PTK2: variants seen among roughly 807,000 people sequenced by gnomAD.
PTK2 encodes the protein protein tyrosine kinase 2.
Under a neutral mutation model 150.1 loss-of-function variants are expected in PTK2, and 45 were observed. That is an observed-to-expected ratio of 0.30 (90% CI 0.24 to 0.38). The LOEUF (loss-of-function observed/expected upper bound fraction) is 0.38. PTK2 is among the 10% of genes least tolerant of loss of function. The pLI, the probability that PTK2 is intolerant of heterozygous loss-of-function variation, is 1.00. For synonymous variants in PTK2, 432 were observed against 449.2 expected (o/e 0.96, Z 0.48); for missense variants, 919 against 1,307.3 (o/e 0.70, Z 4.58).
intron 1 of PTK2, among the ~76,000 whole-genome samples, chr8:140,985,189 T>C (rs1160965200): frequency 2.6e-5 from 4 of 152,112 alleles, no homozygotes; most frequent in Admixed American, 2.6e-4. Flanking sequence ...AGTGGCATGA[T>C]CATAACTCAC....
At chr8:140,726,689 T>C (rs969540343) in intron 22 of PTK2, among the ~76,000 whole-genome samples, 2 of 152,226 alleles carry the variant, frequency 1.3e-5, no homozygotes, top group East Asian at 1.9e-4. Flanking sequence ...TTTTAGATAA[T>C]ATAAAACTAA....
At chr8:140,954,293 C>T (rs1333570864) in intron 1 of PTK2, among the ~76,000 whole-genome samples, 1 of 152,156 alleles carries the variant, frequency 6.6e-6, no homozygotes, top group Non-Finnish European at 1.5e-5. Flanking sequence ...TGGTCTCAAA[C>T]TCCTGAACTC....
At chr8:140,872,824 G>A (rs2100143318) in intron 4 of PTK2, among the ~76,000 whole-genome samples, 1 of 152,182 alleles carries the variant, frequency 6.6e-6, no homozygotes, top group Admixed American at 6.5e-5. Context: ...CATGCTGTAT[G>A]TCATATTCCA....
chr8:140,981,917 C>T (rs2100191589), intron 1 of PTK2, among the ~76,000 whole-genome samples: 1 of 152,098 alleles, frequency 6.6e-6, no homozygotes, highest in Non-Finnish European at 1.5e-5. Context: ...GAGCTCAGAG[C>T]ATTCTTGAAG....
chr8:140,958,062 A>G (rs868252866), intron 1 of PTK2, among the ~76,000 whole-genome samples: 2 of 152,300 alleles, frequency 1.3e-5, no homozygotes, highest in Middle Eastern at 3.4e-3. Flanking sequence ...GACATGTTAC[A>G]TATTTTTTAT....
chr8:140,832,416 C>T (rs538991567), intron 7 of PTK2, among the ~76,000 whole-genome samples: 29 of 152,266 alleles, frequency 1.9e-4, no homozygotes, highest in African/African-American at 5.1e-4. Context: ...TTAACACCTG[C>T]GAACCTCCGG....
intron 10 of PTK2, among the ~76,000 whole-genome samples, chr8:140,811,836 T>C (rs2100101728): frequency 6.6e-6 from 1 of 152,152 alleles, no homozygotes; most frequent in Non-Finnish European, 1.5e-5. Context: ...AAGCTGTCTT[T>C]CTGAAATAGG....
At chr8:140,837,436 T>C (rs574667984) in intron 7 of PTK2, among the ~76,000 whole-genome samples, 3 of 152,272 alleles carry the variant, frequency 2.0e-5, no homozygotes, top group South Asian at 2.1e-4. Context: ...TAACTCAAAA[T>C]AGTTATTTAT....
chr8:140,804,157 A>C (rs916773490), intron 10 of PTK2, among the ~76,000 whole-genome samples: 2 of 152,132 alleles, frequency 1.3e-5, no homozygotes, highest in African/African-American at 4.8e-5. Context: ...TTCCCAATAC[A>C]GAATAACCTC....
chr8:140,852,418 T>G (rs1258342673), intron 5 of PTK2, among the ~76,000 whole-genome samples: 1 of 152,110 alleles, frequency 6.6e-6, no homozygotes, highest in African/African-American at 2.4e-5. Flanking sequence ...GTGATAAAAC[T>G]GCACAGAATT....
chr8:140,855,206 T>A lies in PTK2; in HGVS notation c.451-8528A>T, dbSNP rs181409341. 2.3e-3 allele frequency among the ~76,000 whole-genome samples: 354 copies of A among 152,218 alleles called. 3 individuals carry two copies. The highest frequency in any genetic ancestry group is 8.4e-3 in the Admixed American group (128 of 15,288). ...AATTAAAAGAGAACACTAAGGAGTG[T>A]GTTCACTATGTGCCAGACATTTCTA... On this transcript the variant is annotated intron_variant, in intron 5 of 31. Coordinates refer to ENST00000522684, the Ensembl canonical transcript of PTK2.
rs774453997 is a variant in PTK2 at position 140,659,451 on chromosome 8, G to T, written c.*15C>A. The T allele has an allele frequency of 5.0e-6, 8 of 1,600,170 alleles. No homozygotes were observed. In the African/African-American group the frequency reaches 1.1e-4, roughly 21 times the overall value. Reference sequence around the variant, plus strand: ...TCTTCAAAAGAGGGTAGCAAGACGTGCTCCTAGGGGAGGCTCAGTGTGGTC... The same window carrying T: ...TCTTCAAAAGAGGGTAGCAAGACGTTCTCCTAGGGGAGGCTCAGTGTGGTC... On this transcript the variant is annotated 3_prime_UTR_variant, in exon 32 of 32. Transcript: ENST00000522684.
intron 8 of PTK2, among the ~76,000 whole-genome samples, chr8:140,830,251 T>C (rs528499129): frequency 6.6e-6 from 1 of 152,306 alleles, no homozygotes; most frequent in African/African-American, 2.4e-5. Flanking sequence ...TAGCAGAGTA[T>C]CAAACACAAT....
intron 5 of PTK2, among the ~76,000 whole-genome samples, chr8:140,861,812 T>C (rs1170756973): frequency 6.6e-6 from 1 of 152,226 alleles, no homozygotes; most frequent in African/African-American, 2.4e-5. Context: ...GCATATTCCT[T>C]TAAGCGAAAT....
In PTK2 at chr8:140,796,713, A is replaced by C. The variant is rs112205995; in HGVS notation, c.1094-3329T>G. Among the ~76,000 whole-genome samples the C allele has an allele frequency of 4.8e-3, 728 of 152,310 alleles. 9 individuals are homozygous for C. The highest frequency in any genetic ancestry group is 0.016 in the African/African-American group (660 of 41,552). Reference sequence around the variant, plus strand: ...GACACCATCAGTAGAAGCAGCATTTAAGAAAACCCTAAGGACTCACTACCT... The same window carrying C: ...GACACCATCAGTAGAAGCAGCATTTCAGAAAACCCTAAGGACTCACTACCT... On this transcript the variant is annotated intron_variant, in intron 12 of 31. Transcript: ENST00000522684.
intron 1 of PTK2, among the ~76,000 whole-genome samples, chr8:140,978,225 A>G (rs1192720101): frequency 1.3e-5 from 2 of 152,252 alleles, no homozygotes; most frequent in African/African-American, 4.8e-5. Context: ...TAAAACACCA[A>G]AAGCAATGGC....
At chr8:140,659,752 A>G in intron 31 of PTK2, 74 bp from the exon 36 acceptor site, 1 of 1,358,684 alleles carries the variant, frequency 7.4e-7, no homozygotes, top group East Asian at 2.3e-5. Context: ...AGATGTTCTT[A>G]CTGTGTTGTC....
At chr8:140,730,707 T>C (rs574320637) in intron 22 of PTK2, among the ~76,000 whole-genome samples, 16 of 152,340 alleles carry the variant, frequency 1.1e-4, no homozygotes, top group African/African-American at 3.8e-4. Flanking sequence ...TTGTGTTTAC[T>C]GCCCTAATTT....
rs117215361 is a variant in PTK2 at position 140,769,119 on chromosome 8, T to C, written c.1178-4829A>G. 3.2e-3 allele frequency among the ~76,000 whole-genome samples: 489 copies of C among 152,350 alleles called. 2 individuals are homozygous for C. The highest frequency in any genetic ancestry group is 5.7e-3 in the Non-Finnish European group (391 of 68,024). On this transcript the variant is annotated intron_variant, in intron 14 of 31. Transcript: ENST00000522684. Reference sequence around the variant, plus strand: ...CTATTTGAAAAACCAATTATCATTATTGCTGATATTTCCCTAATTCCGTTA... The same window carrying C: ...CTATTTGAAAAACCAATTATCATTACTGCTGATATTTCCCTAATTCCGTTA...
Sources: allele counts gnomAD v4.1 joint callset (sites outside exome capture counted in the v4.1 genomes callset), GRCh38; gene constraint gnomAD v4.1.1; transcripts MANE v1.5; gene names NCBI Gene and HGNC (gene_info 2026-07-23, HGNC 2026-07-21).